Variants in RAB2A observed in about 807,000 individuals in gnomAD.
RAB2A encodes the protein ras-related protein Rab-2A.
Under a neutral mutation model 32.5 loss-of-function variants are expected in RAB2A, and 7 were observed. That is an observed-to-expected ratio of 0.22 (90% CI 0.12 to 0.40). The LOEUF (loss-of-function observed/expected upper bound fraction) is 0.40. Ranked by LOEUF, RAB2A falls within the 10% of genes least tolerant of loss-of-function variation. RAB2A has a pLI of 1.00. For synonymous variants in RAB2A, 79 were observed against 85.2 expected (o/e 0.93, Z 0.40); for missense variants, 108 against 260.7 (o/e 0.41, Z 4.03).
chr8:60,552,800 T>G (rs1807875194), intron 1 of RAB2A: 1 of 152,188 alleles, frequency 6.6e-6, no homozygotes, highest in Non-Finnish European at 1.5e-5. Flanking sequence ...ATATGCAAAT[T>G]TTCTCTCTCT....
rs891818500 is a variant in RAB2A at position 60,623,259 on chromosome 8, A to G, written c.*2490A>G. On this transcript the variant is annotated 3_prime_UTR_variant, in exon 8 of 8. Transcript: ENST00000262646. ...AACTGCATACAATTTGTTTTTAATG[A>G]TATTTTAAAATAGCCTGTTAGCAGG... 15 of 152,346 alleles carry G rather than the reference A, an allele frequency of 9.8e-5. No individual in the cohort carries two copies. Among genetic ancestry groups the G allele is most frequent in the African/African-American group, 3.6e-4 (15 of 41,584 alleles). 9.4% of individuals were successfully genotyped at this position (152,346 alleles called of 1,614,324 possible).
rs1408299296 is a variant in RAB2A at position 60,529,476 on chromosome 8, G to T, written c.46+12223G>T. ...CCCGCGTGAATTTGGGGGCTAATTTGTAAGGTATTTATGACCCATACATCT... is the reference window on the plus strand; with the variant it reads ...CCCGCGTGAATTTGGGGGCTAATTTTTAAGGTATTTATGACCCATACATCT... On this transcript the variant is annotated intron_variant, in intron 1 of 7. Transcript: ENST00000262646. 2.0e-5 allele frequency among the ~76,000 whole-genome samples: 3 copies of T among 152,124 alleles called. No individual in the cohort carries two copies. In the East Asian group the frequency reaches 5.8e-4, roughly 29 times the overall value.
At chr8:60,608,105 T>A (rs1192061783) in intron 6 of RAB2A, among the ~76,000 whole-genome samples, 23 of 151,870 alleles carry the variant, frequency 1.5e-4, no homozygotes, top group Non-Finnish European at 2.9e-5. Flanking sequence ...GGGTTTTTGT[T>A]TGTTTGTTTG....
chr8:60,615,950 T>A (rs1804440885), intron 6 of RAB2A, among the ~76,000 whole-genome samples: 2 of 152,310 alleles, frequency 1.3e-5, no homozygotes, highest in Admixed American at 1.3e-4. Context: ...CCGTTTGTAT[T>A]GTATCCTCTA....
intron 3 of RAB2A, 43 bp downstream of exon 3, chr8:60,572,156 C>T (rs1563473856): frequency 7.0e-7 from 1 of 1,421,128 alleles, no homozygotes; most frequent in South Asian, 1.2e-5. Flanking sequence ...AGTAAAGTTA[C>T]TTTATGAAAG....
intron 6 of RAB2A, among the ~76,000 whole-genome samples, 165 bp from the exon 7 acceptor site, chr8:60,618,415 C>T (rs1054170656): frequency 1.3e-5 from 2 of 152,000 alleles, no homozygotes; most frequent in South Asian, 2.1e-4. Flanking sequence ...TGTATTACAT[C>T]GATTGTTCTT....
At chr8:60,524,718 G>A (rs549239999) in intron 1 of RAB2A, among the ~76,000 whole-genome samples, 20 of 152,246 alleles carry the variant, frequency 1.3e-4, no homozygotes, top group African/African-American at 4.8e-4. Flanking sequence ...GTCACTCTCC[G>A]GGGAGTCCCA....
In RAB2A at chr8:60,622,396, T is replaced by C. The variant is rs565082520; in HGVS notation, c.*1627T>C. On this transcript the variant is annotated 3_prime_UTR_variant, in exon 8 of 8. Transcript: ENST00000262646. ...ACCAAATGCTGTCATAGTTTTGTTT[T>C]AACTGTCTCCTTGAGGGCAGAGGGA... is the stretch of plus-strand genomic sequence containing the variant. The C allele has an allele frequency of 5.9e-5, 9 of 152,352 alleles. No homozygotes were observed. The highest frequency in any genetic ancestry group is 1.3e-4 in the Non-Finnish European group (9 of 68,026). The allele number at this position is 152,352 out of a possible 1,614,324, so 9.4% of individuals were successfully genotyped here. A position where few individuals can be genotyped will look rare whatever the true frequency, so the allele number is the denominator to read the frequency against.
At chr8:60,589,945 A>T (rs1048551107) in intron 5 of RAB2A, among the ~76,000 whole-genome samples, 9 of 151,942 alleles carry the variant, frequency 5.9e-5, no homozygotes, top group Non-Finnish European at 1.0e-4. Flanking sequence ...ATAGACTCTG[A>T]TATTTTATAT....
chr8:60,569,036 T>G (rs1808158108), intron 2 of RAB2A, among the ~76,000 whole-genome samples: 1 of 152,238 alleles, frequency 6.6e-6, no homozygotes, highest in South Asian at 2.1e-4. Flanking sequence ...ATTCAGTATT[T>G]TCATTTGCCA....
At chr8:60,561,289 A>G (rs1476652666) in intron 2 of RAB2A, among the ~76,000 whole-genome samples, 2 of 152,206 alleles carry the variant, frequency 1.3e-5, no homozygotes, top group Non-Finnish European at 2.9e-5. Flanking sequence ...TTCTGGTTGC[A>G]CTGACTGGCA....
At chr8:60,563,790 G>A (rs1217477556) in intron 2 of RAB2A, among the ~76,000 whole-genome samples, 2 of 152,088 alleles carry the variant, frequency 1.3e-5, no homozygotes, top group East Asian at 3.9e-4. Context: ...ATTGATTCTA[G>A]TATCTTTTCA....
chr8:60,592,160 T>G (rs866712222), intron 6 of RAB2A, 191 bp downstream of exon 6: 1 of 389,082 alleles, frequency 2.6e-6, no homozygotes, highest in East Asian at 4.0e-5. Flanking sequence ...TTGAGCCTTC[T>G]AAAGCCTGAA....
chr8:60,523,497 T>G (rs1807332856), intron 1 of RAB2A, among the ~76,000 whole-genome samples: 1 of 152,100 alleles, frequency 6.6e-6, no homozygotes, highest in Non-Finnish European at 1.5e-5. Flanking sequence ...TCTCAACCAG[T>G]TTTCCACTGG....
intron 6 of RAB2A, among the ~76,000 whole-genome samples, chr8:60,597,317 A>G (rs1804044991): frequency 6.6e-6 from 1 of 152,208 alleles, no homozygotes; most frequent in Non-Finnish European, 1.5e-5. Flanking sequence ...GCTGGAAACC[A>G]TCATTCTCAG....
chr8:60,549,423 C>T (rs1000760281), intron 1 of RAB2A, among the ~76,000 whole-genome samples: 2 of 151,444 alleles, frequency 1.3e-5, no homozygotes, highest in Non-Finnish European at 2.9e-5. Flanking sequence ...GGATCACTCG[C>T]GGTTAGGAGC....
intron 1 of RAB2A, among the ~76,000 whole-genome samples, chr8:60,524,586 G>C (rs1586059799): frequency 6.6e-6 from 1 of 152,254 alleles, no homozygotes; most frequent in South Asian, 2.1e-4. Flanking sequence ...AGAGATCCCT[G>C]GCAAAAAGGT....
chr8:60,584,866 T>G, intron 5 of RAB2A, 51 bp downstream of exon 5: 1 of 1,281,556 alleles, frequency 7.8e-7, no homozygotes, highest in East Asian at 2.5e-5. Context: ...AAGACTGTAC[T>G]GTTTATTTGA....
At chr8:60,567,681 A>C (rs866115094) in intron 2 of RAB2A, among the ~76,000 whole-genome samples, 36 of 138,902 alleles carry the variant, frequency 2.6e-4, no homozygotes, top group Middle Eastern at 7.4e-3. Flanking sequence ...TGTTCAGTAA[A>C]ATTTTATGGT....
Sources: gnomAD v4.1 joint callset for allele counts (sites outside exome capture counted in the v4.1 genomes callset) on GRCh38, gnomAD v4.1.1 for gene constraint, MANE v1.5 for transcripts, NCBI Gene and HGNC (gene_info 2026-07-23, HGNC 2026-07-21) for gene names.